The following YAF2 variants were observed in gnomAD, a reference collection of about 807,000 sequenced individuals.
YAF2 encodes the protein YY1 associated factor 2.
Under a neutral mutation model 20.1 loss-of-function variants are expected in YAF2, and 7 were observed. The ratio of observed to expected loss-of-function variants is 0.35; its 90% confidence interval spans 0.20 to 0.65. YAF2 has a LOEUF of 0.65. YAF2 is among the 30% of genes least tolerant of loss of function. YAF2 has a pLI of 0.69. For missense variants in YAF2, 151 were observed against 219.2 expected (o/e 0.69, Z 1.96); for synonymous variants, 74 against 76.0 (o/e 0.97, Z 0.14).
chr12:42,205,627 C>G (rs1418728878), intron 2 of YAF2, among the ~76,000 whole-genome samples: 3 of 152,208 alleles, frequency 2.0e-5, no homozygotes, highest in African/African-American at 7.2e-5. Flanking sequence ...CCCGCCTCGG[C>G]CTCCCAAAGT....
chr12:42,194,827 A>C (rs533531355), intron 2 of YAF2, among the ~76,000 whole-genome samples: 1 of 152,192 alleles, frequency 6.6e-6, no homozygotes, highest in African/African-American at 2.4e-5. Context: ...GCAAACATAC[A>C]TAAGTTCAAT....
Position 42,160,275 on chromosome 12 carries a change from G to C in YAF2, c.*314C>G. 3.9e-6 allele frequency: 1 copy of C among 253,362 alleles called. No individual in the cohort carries two copies. The allele number at this position is 253,362 out of a possible 1,614,324, so 15.7% of individuals were successfully genotyped here. A position where few individuals can be genotyped will look rare whatever the true frequency, so the allele number is the denominator to read the frequency against. On this transcript the variant is annotated 3_prime_UTR_variant, in exon 4 of 4. Coordinates refer to ENST00000534854, the MANE Select transcript of YAF2 (RefSeq NM_005748.6). ...AAATTCGTTACATGCCAATAGTAGAGAATTCAAGAATTATGTGTTAGAATT... is the reference window on the plus strand; with the variant it reads ...AAATTCGTTACATGCCAATAGTAGACAATTCAAGAATTATGTGTTAGAATT...
intron 2 of YAF2, among the ~76,000 whole-genome samples, chr12:42,222,953 T>C (rs1010334815): frequency 6.6e-6 from 1 of 150,462 alleles, no homozygotes; most frequent in Non-Finnish European, 1.5e-5. Flanking sequence ...TTTTTTTTTG[T>C]TACCATTGGT....
chr12:42,213,814 A>G (rs1366335982), intron 2 of YAF2, among the ~76,000 whole-genome samples: 1 of 152,218 alleles, frequency 6.6e-6, no homozygotes, highest in Non-Finnish European at 1.5e-5. Context: ...ACATCAAGGT[A>G]TTAGTAACAG....
intron 2 of YAF2, among the ~76,000 whole-genome samples, chr12:42,176,470 A>G (rs1405383539): frequency 1.3e-5 from 2 of 152,032 alleles, no homozygotes; most frequent in Non-Finnish European, 2.9e-5. Flanking sequence ...AATCTTCAAC[A>G]ATCTTTTTAT....
At position 42,238,244 on chromosome 12, in the gene YAF2, A is replaced by C; in HGVS notation, c.-64T>G. The C allele has an allele frequency of 7.6e-7, 1 of 1,318,702 alleles. No individual in the cohort carries two copies. The highest frequency in any genetic ancestry group is 1.0e-6 in the Non-Finnish European group (1 of 1,004,618). 81.7% of individuals were successfully genotyped at this position (1,318,702 alleles called of 1,614,324 possible). A position where few individuals can be genotyped will look rare whatever the true frequency, so the allele number is the denominator to read the frequency against. ...ACCGCTCTGTTTGTCAATAAGGAGG[A>C]TAATAAGCCGGGCGGAAGCGGGCGG... On this transcript the variant is annotated 5_prime_UTR_variant, in exon 1 of 4. Transcript: ENST00000534854.
rs1319035644 is a variant in YAF2, at chr12:42,157,978, C to A, written c.*2611G>T. 1.3e-5 allele frequency: 2 copies of A among 152,094 alleles called. No homozygotes were observed. Among genetic ancestry groups the A allele is most frequent in the East Asian group, 1.9e-4 (1 of 5,178 alleles). The allele number at this position is 152,094 out of a possible 1,614,324, so 9.4% of individuals were successfully genotyped here. The stretch of plus-strand genomic sequence containing the variant: ...ATAAATGCTGGAAAACATCCAAATT[C>A]TTTTTGTATGGAATTTGGCTAAAAG... On this transcript the variant is annotated 3_prime_UTR_variant, in exon 4 of 4. Coordinates refer to ENST00000534854, the MANE Select transcript of YAF2 (RefSeq NM_005748.6).
Position 42,160,657 on chromosome 12 carries a change from C to G in YAF2, c.475G>C (p.Glu159Gln). 1 of 1,613,850 alleles carries G rather than the reference C, an allele frequency of 6.2e-7. No individual in the cohort carries two copies. The highest frequency in any genetic ancestry group is 8.5e-7 in the Non-Finnish European group (1 of 1,179,878). Residue 159 changes from glutamate to glutamine, a missense_variant, in exon 4 of 4, where the codon GAG becomes CAG. By Grantham distance (29) the Glu-to-Gln change is conservative. Around this residue, in one of 3 missense-constraint regions of YAF2, gnomAD observed 51 missense variants for 48.9 expected, o/e 1.04. Coordinates refer to ENST00000534854, the MANE Select transcript of YAF2 (RefSeq NM_005748.6). ...GAAGATGACCTGGACATTCCTCTCT[C>G]TGTGTTATCAGAGCTAGAGCCGCTT... ...SQSGSSSDNT[E>Q]RGMSRSSSPR...
chr12:42,190,596 TTTG>T (rs2066589098), intron 2 of YAF2, among the ~76,000 whole-genome samples: 1 of 152,198 alleles, frequency 6.6e-6, no homozygotes, highest in Non-Finnish European at 1.5e-5. Flanking sequence ...ATTAAATTCT[TTTG>T]TTGAGTGTTT....
At chr12:42,168,223 G>C (rs2065960059) in intron 2 of YAF2, among the ~76,000 whole-genome samples, 5 of 149,334 alleles carry the variant, frequency 3.3e-5, no homozygotes, top group Admixed American at 3.3e-4. Flanking sequence ...TTGTTGCCCG[G>C]GCTGGAGTGC....
At chr12:42,172,460 ATT>A (rs1184785134) in intron 2 of YAF2, among the ~76,000 whole-genome samples, 1 of 152,208 alleles carries the variant, frequency 6.6e-6, no homozygotes, top group African/African-American at 2.4e-5. Context: ...TGGTGGATGA[ATT>A]TAGATGTCAT....
intron 2 of YAF2, among the ~76,000 whole-genome samples, chr12:42,208,019 C>T (rs1283737454): frequency 6.6e-6 from 1 of 152,196 alleles, no homozygotes; most frequent in Non-Finnish European, 1.5e-5. Flanking sequence ...AAATCCTATG[C>T]TTGCTCTCAA....
intron 2 of YAF2, among the ~76,000 whole-genome samples, chr12:42,183,540 G>T (rs142489401): frequency 1.2e-4 from 18 of 152,300 alleles, no homozygotes; most frequent in African/African-American, 3.6e-4. Flanking sequence ...AGCTTGGATA[G>T]AAGATCAAAC....
At chr12:42,179,319 A>T (rs2066279263) in intron 2 of YAF2, among the ~76,000 whole-genome samples, 1 of 151,970 alleles carries the variant, frequency 6.6e-6, no homozygotes, top group Non-Finnish European at 1.5e-5. Context: ...AAAATACAAA[A>T]ATTAGCAGAG....
At chr12:42,165,392 C>T (rs1326749000) in intron 2 of YAF2, among the ~76,000 whole-genome samples, 1 of 152,040 alleles carries the variant, frequency 6.6e-6, no homozygotes, top group Non-Finnish European at 1.5e-5. Context: ...GAGAGTAAAC[C>T]CAATTTCTTA....
chr12:42,237,549 T>C, intron 2 of YAF2, 50 bp downstream of exon 2: 1 of 1,472,972 alleles, frequency 6.8e-7, no homozygotes, highest in Non-Finnish European at 9.0e-7. Context: ...GGGCGTCCTC[T>C]GGTCGCCACC....
intron 2 of YAF2, chr12:42,235,799 A>C: frequency 6.5e-7 from 1 of 1,535,002 alleles, no homozygotes; most frequent in Non-Finnish European, 8.7e-7. Flanking sequence ...GTGGGCCTCA[A>C]GCCTCTTTTA....
chr12:42,204,751 A>C (rs2066992305), intron 2 of YAF2, among the ~76,000 whole-genome samples: 1 of 152,216 alleles, frequency 6.6e-6, no homozygotes, highest in Non-Finnish European at 1.5e-5. Flanking sequence ...AAAAGAATGA[A>C]GTGTACTGAC....
intron 2 of YAF2, among the ~76,000 whole-genome samples, chr12:42,236,886 C>G (rs987069636): frequency 6.6e-6 from 1 of 152,142 alleles, no homozygotes; most frequent in Admixed American, 6.5e-5. Flanking sequence ...TCACTTAATT[C>G]AAAGTCATTT....
Sources: gnomAD v4.1 joint callset for allele counts (sites outside exome capture counted in the v4.1 genomes callset) on GRCh38, gnomAD v4.1.1 for gene constraint, gnomAD v4.1.1 regional missense constraint, MANE v1.5 for transcripts, NCBI Gene and HGNC (gene_info 2026-07-23, HGNC 2026-07-21) for gene names.